Variants in ZFPM2 observed in about 807,000 individuals in gnomAD.
The protein encoded by ZFPM2 is zinc finger protein, FOG family member 2.
ZFPM2 carries 20 observed loss-of-function variants against 98.6 expected under a neutral mutation model. The observed-to-expected ratio is 0.20, with a 90% CI of 0.14 to 0.29. The LOEUF is 0.29. ZFPM2 is among the 10% of genes least tolerant of loss of function. The pLI, the probability that ZFPM2 is intolerant of heterozygous loss-of-function variation, is 1.00. For missense variants in ZFPM2, 1,310 were observed against 1,388.6 expected (o/e 0.94, Z 0.90); for synonymous variants, 518 against 502.7 (o/e 1.03, Z -0.41).
intron 3 of ZFPM2, among the ~76,000 whole-genome samples, chr8:105,475,403 T>A (rs1812993479): frequency 6.6e-6 from 1 of 152,222 alleles, no homozygotes; most frequent in Non-Finnish European, 1.5e-5. Context: ...TGCACATAAA[T>A]AAATATCATC....
intron 2 of ZFPM2, among the ~76,000 whole-genome samples, chr8:105,441,452 G>GAGAAAGAAAGAAAGAAAGAAAGAA (rs34216988): frequency 1.3e-4 from 5 of 38,934 alleles, no homozygotes; most frequent in Non-Finnish European, 1.7e-4. Context: ...GAGAGAGAGA[G>GAGAAAGAAAGAAAGAAAGAAAGAA]AGAAAGAAAG....
intron 5 of ZFPM2, among the ~76,000 whole-genome samples, chr8:105,719,777 T>G (rs1319954519): frequency 6.6e-6 from 1 of 151,910 alleles, no homozygotes; most frequent in Non-Finnish European, 1.5e-5. Context: ...CGACTGCCTA[T>G]GTAAGATCAA....
intron 5 of ZFPM2, among the ~76,000 whole-genome samples, chr8:105,646,094 C>CAT (rs1165930407): frequency 1.6e-4 from 24 of 150,184 alleles, no homozygotes; most frequent in Non-Finnish European, 4.4e-5. Context: ...CATGCATATG[C>CAT]ATAAATGAGC....
intron 3 of ZFPM2, among the ~76,000 whole-genome samples, chr8:105,479,047 A>G (rs1485629158): frequency 2.6e-5 from 4 of 152,216 alleles, no homozygotes; most frequent in Non-Finnish European, 2.9e-5. Context: ...TACAGAAAGT[A>G]TAACTTTCTC....
chr8:105,723,297 T>A (rs1420446066), intron 5 of ZFPM2, among the ~76,000 whole-genome samples: 1 of 151,894 alleles, frequency 6.6e-6, no homozygotes, highest in Non-Finnish European at 1.5e-5. Context: ...CTCTCACAAC[T>A]TTTTCTATAA....
chr8:105,534,191 TCCTC>T (rs1340084729), intron 3 of ZFPM2, among the ~76,000 whole-genome samples: 2 of 69,768 alleles, frequency 2.9e-5, no homozygotes. Context: ...CCTCCTCCCT[TCCTC>T]CCTCCCTCCC....
At chr8:105,570,299 T>C (rs1175892062) in intron 4 of ZFPM2, among the ~76,000 whole-genome samples, 1 of 151,462 alleles carries the variant, frequency 6.6e-6, no homozygotes, top group Non-Finnish European at 1.5e-5. Flanking sequence ...TTTGTTGTTT[T>C]ATTGATTTTT....
At chr8:105,664,990 C>T (rs536530112) in intron 5 of ZFPM2, among the ~76,000 whole-genome samples, 3 of 152,064 alleles carry the variant, frequency 2.0e-5, no homozygotes, top group Non-Finnish European at 4.4e-5. Flanking sequence ...CTTTCTATAG[C>T]AGAACTACAG....
intron 4 of ZFPM2, among the ~76,000 whole-genome samples, chr8:105,613,208 G>A (rs1816341871): frequency 6.6e-6 from 1 of 152,148 alleles, no homozygotes; most frequent in Non-Finnish European, 1.5e-5. Flanking sequence ...GCCAAATGAT[G>A]ACTGAGGCTT....
chr8:105,375,281 T>C (rs1425091697), intron 1 of ZFPM2, among the ~76,000 whole-genome samples: 1 of 152,184 alleles, frequency 6.6e-6, no homozygotes, highest in Non-Finnish European at 1.5e-5. Context: ...GGGTCCTTCA[T>C]TGATGGAAAG....
intron 3 of ZFPM2, among the ~76,000 whole-genome samples, chr8:105,463,229 A>G (rs1395372347): frequency 6.6e-6 from 1 of 151,940 alleles, no homozygotes; most frequent in Non-Finnish European, 1.5e-5. Flanking sequence ...ATTGATCAAC[A>G]TTATAGGTAA....
intron 3 of ZFPM2, among the ~76,000 whole-genome samples, chr8:105,510,191 C>A (rs1163403342): frequency 1.3e-5 from 2 of 152,088 alleles, no homozygotes; most frequent in Non-Finnish European, 2.9e-5. Flanking sequence ...ATGATTACAG[C>A]CTTGTATATC....
chr8:105,588,390 T>C (rs1324549618), intron 4 of ZFPM2, among the ~76,000 whole-genome samples: 2 of 152,102 alleles, frequency 1.3e-5, no homozygotes, highest in East Asian at 3.9e-4. Context: ...ACAGAGAATA[T>C]TTTTCTTCTT....
intron 5 of ZFPM2, among the ~76,000 whole-genome samples, chr8:105,778,510 G>C (rs1462092842): frequency 6.6e-6 from 1 of 151,884 alleles, no homozygotes; most frequent in African/African-American, 2.4e-5. Flanking sequence ...GTGTGTGTGC[G>C]TGTGTGTGTT....
chr8:105,515,879 C>CCAGTCA (rs1813908834), intron 3 of ZFPM2, among the ~76,000 whole-genome samples: 2 of 150,566 alleles, frequency 1.3e-5, no homozygotes, highest in Non-Finnish European at 2.9e-5. Flanking sequence ...ACTTCTTGAA[C>CCAGTCA]CAGTCATTGT....
At chr8:105,606,691 A>G (rs1020293819) in intron 4 of ZFPM2, among the ~76,000 whole-genome samples, 32 of 152,244 alleles carry the variant, frequency 2.1e-4, no homozygotes, top group African/African-American at 7.5e-4. Flanking sequence ...TTGGAAAATT[A>G]TATGTCATCT....
At chr8:105,692,509 A>C (rs1382531390) in intron 5 of ZFPM2, among the ~76,000 whole-genome samples, 2 of 152,080 alleles carry the variant, frequency 1.3e-5, no homozygotes, top group East Asian at 3.8e-4. Context: ...GATTCGTACA[A>C]ATGGGATGTT....
At chr8:105,325,383 T>C (rs1272736890) in intron 1 of ZFPM2, among the ~76,000 whole-genome samples, 3 of 151,834 alleles carry the variant, frequency 2.0e-5, no homozygotes, top group Non-Finnish European at 4.4e-5. Flanking sequence ...CCAAATCAGC[T>C]CCTAGTATCT....
chr8:105,574,718 C>T (rs918042779), intron 4 of ZFPM2, among the ~76,000 whole-genome samples: 4 of 151,180 alleles, frequency 2.6e-5, no homozygotes, highest in Non-Finnish European at 1.5e-5. Context: ...CCTCATTACC[C>T]TATGTGTAAT....
Sources: gnomAD v4.1 joint callset for allele counts (sites outside exome capture counted in the v4.1 genomes callset) on GRCh38, gnomAD v4.1.1 for gene constraint, MANE v1.5 for transcripts, NCBI Gene and HGNC (gene_info 2026-07-23, HGNC 2026-07-21) for gene names.